DNAAF10: variants seen among roughly 807,000 people sequenced by gnomAD.
The protein encoded by DNAAF10 is dynein axonemal assembly factor 10.
In DNAAF10, 28 loss-of-function variants were observed where a neutral mutation model predicts 43.7. The ratio of observed to expected loss-of-function variants is 0.64; its 90% confidence interval spans 0.48 to 0.88. The LOEUF is 0.88. Ranked by LOEUF, DNAAF10 falls within the 40% of genes least tolerant of loss-of-function variation. DNAAF10 has a pLI of 0.00. For missense variants in DNAAF10, 403 were observed against 439.1 expected (o/e 0.92, Z 0.73); for synonymous variants, 156 against 157.3 (o/e 0.99, Z 0.06).
chr2:68,141,364 C>A (rs1446100871), intron 4 of DNAAF10, among the ~76,000 whole-genome samples: 1 of 152,186 alleles, frequency 6.6e-6, no homozygotes, highest in African/African-American at 2.4e-5. Context: ...ATAATAAGCA[C>A]AATTCTCAGC....
At chr2:68,154,427 T>C (rs1300326603) in intron 1 of DNAAF10, among the ~76,000 whole-genome samples, 1 of 151,860 alleles carries the variant, frequency 6.6e-6, no homozygotes, top group East Asian at 2.0e-4. Context: ...TTTGTATTTT[T>C]AGTAGAGACG....
At chr2:68,148,626 C>A (rs1188822058) in intron 1 of DNAAF10, among the ~76,000 whole-genome samples, 1 of 152,130 alleles carries the variant, frequency 6.6e-6, no homozygotes, top group Non-Finnish European at 1.5e-5. Flanking sequence ...CCCGAGATCT[C>A]CGGAATCTGG....
intron 3 of DNAAF10, 139 bp downstream of exon 3, chr2:68,144,446 T>C (rs981019193): frequency 2.7e-6 from 3 of 1,112,538 alleles, no homozygotes; most frequent in East Asian, 5.3e-5. Flanking sequence ...AACTTGTCTG[T>C]TAAAAAAGTA....
chr2:68,136,157 G>A (rs958208594), intron 6 of DNAAF10, among the ~76,000 whole-genome samples: 2 of 149,692 alleles, frequency 1.3e-5, no homozygotes, highest in Non-Finnish European at 3.0e-5. Context: ...GTTTGAGACT[G>A]CAGTGAGCCA....
intron 4 of DNAAF10, among the ~76,000 whole-genome samples, chr2:68,139,382 G>C (rs1244072063): frequency 6.6e-6 from 1 of 151,994 alleles, no homozygotes; most frequent in Non-Finnish European, 1.5e-5. Context: ...ATGCTTCTTG[G>C]ATACTCTTGC....
intron 1 of DNAAF10, among the ~76,000 whole-genome samples, chr2:68,153,151 C>T (rs1334985839): frequency 6.6e-6 from 1 of 152,072 alleles, no homozygotes; most frequent in Non-Finnish European, 1.5e-5. Context: ...CCCACTTGAG[C>T]ACTCAGCCAG....
At chr2:68,143,572 A>AT (rs1332492369) in intron 3 of DNAAF10, among the ~76,000 whole-genome samples, 1 of 152,208 alleles carries the variant, frequency 6.6e-6, no homozygotes, top group Non-Finnish European at 1.5e-5. Context: ...AGCCACTCTC[A>AT]TAAGACAACA....
intron 1 of DNAAF10, among the ~76,000 whole-genome samples, chr2:68,148,325 T>G (rs551427095): frequency 6.6e-6 from 1 of 152,124 alleles, no homozygotes; most frequent in South Asian, 2.1e-4. Flanking sequence ...ATTCAACATT[T>G]AATGGTTTCT....
intron 7 of DNAAF10, among the ~76,000 whole-genome samples, chr2:68,133,701 G>A (rs1262614899): frequency 6.6e-6 from 1 of 152,192 alleles, no homozygotes; most frequent in African/African-American, 2.4e-5. Flanking sequence ...GCGGTGAGAC[G>A]AGATCATGCC....
chr2:68,156,073 G>C (rs1325793217), intron 1 of DNAAF10, among the ~76,000 whole-genome samples: 2 of 148,684 alleles, frequency 1.3e-5, no homozygotes, highest in Non-Finnish European at 3.0e-5. Flanking sequence ...CAGCACTCCG[G>C]GCTGGGTGAC....
At position 68,131,207 on chromosome 2, in the gene DNAAF10, C is replaced by T. The variant is rs766027914; in HGVS notation, c.*31G>A. 34 of 1,610,658 alleles carry T rather than the reference C, an allele frequency of 2.1e-5. No individual in the cohort carries two copies. Among genetic ancestry groups the T allele is most frequent in the African/African-American group, 1.1e-4 (8 of 74,766 alleles). ...TGCTGGGATTACAGGAGTGAGCCAC[C>T]GTGCCCAGCCTCAAGTCCAAAGTCT... On this transcript the variant is annotated 3_prime_UTR_variant, in exon 8 of 8. Transcript: ENST00000295121.
In DNAAF10 at chr2:68,155,654, C is replaced by T. The variant is rs1399980058; in HGVS notation, c.183+1607G>A. ...GCTGCGATGAGCTATGACAGTAGCACTGCACTCCGGACTGGGACAGAGCTA... is the reference window on the plus strand; with the variant it reads ...GCTGCGATGAGCTATGACAGTAGCATTGCACTCCGGACTGGGACAGAGCTA... On this transcript the variant is annotated intron_variant, in intron 1 of 7. Coordinates refer to ENST00000295121, the MANE Select transcript of DNAAF10 (RefSeq NM_138458.4). Among the ~76,000 whole-genome samples, 3 of 152,060 alleles carry T rather than the reference C, an allele frequency of 2.0e-5. No individual in the cohort carries two copies. In the East Asian group the frequency reaches 5.8e-4, roughly 29 times the overall value.
intron 7 of DNAAF10, 114 bp from the exon 8 acceptor site, chr2:68,131,559 A>T: frequency 1.0e-6 from 1 of 986,286 alleles, no homozygotes; most frequent in Non-Finnish European, 1.5e-6. Flanking sequence ...ACTAATAAAT[A>T]CTTAAAGAAT....
chr2:68,144,779 CA>C, intron 2 of DNAAF10, 64 bp from the exon 3 acceptor site: 6 of 1,530,812 alleles, frequency 3.9e-6, no homozygotes, highest in South Asian at 1.3e-5. Context: ...TACTGAAATT[CA>C]AAAAGATATA....
intron 1 of DNAAF10, among the ~76,000 whole-genome samples, chr2:68,153,706 A>AT (rs1306612603): frequency 6.8e-6 from 1 of 147,208 alleles, no homozygotes; most frequent in South Asian, 2.1e-4. Context: ...ATATTTAAAA[A>AT]TTTTTTTCCA....
intron 5 of DNAAF10, among the ~76,000 whole-genome samples, chr2:68,137,859 T>A (rs1411142254): frequency 1.4e-5 from 2 of 142,832 alleles, no homozygotes; most frequent in African/African-American, 5.3e-5. Context: ...AGAGTGAGAC[T>A]CTGTCTCAAA....
At position 68,144,725 on chromosome 2, in the gene DNAAF10, A is replaced by C; in HGVS notation, c.285-10T>G. The C allele has an allele frequency of 6.2e-7, 1 of 1,607,032 alleles. No individual in the cohort carries two copies. The highest frequency in any genetic ancestry group is 8.5e-7 in the Non-Finnish European group (1 of 1,178,508). On this transcript the variant is annotated splice_polypyrimidine_tract_variant and intron_variant, in intron 2 of 7. Transcript: ENST00000295121. ...TGGAGCTTCTAAATTCCTAAACAAC[A>C]AACACAGCTTCTTACACCACATATC...
At chr2:68,155,144 A>T (rs1013437704) in intron 1 of DNAAF10, among the ~76,000 whole-genome samples, 1 of 149,800 alleles carries the variant, frequency 6.7e-6, no homozygotes, top group African/African-American at 2.5e-5. Flanking sequence ...CAAGAGTGAG[A>T]CCCTGTTTCA....
At chr2:68,140,337 T>C (rs1000326171) in intron 4 of DNAAF10, among the ~76,000 whole-genome samples, 8 of 152,268 alleles carry the variant, frequency 5.3e-5, no homozygotes, top group Middle Eastern at 3.4e-3. Flanking sequence ...AAAATGACCT[T>C]ACCATTTTCC....
Sources: allele counts gnomAD v4.1 joint callset (sites outside exome capture counted in the v4.1 genomes callset), GRCh38; gene constraint gnomAD v4.1.1; transcripts MANE v1.5; gene names NCBI Gene and HGNC (gene_info 2026-07-23, HGNC 2026-07-21).